The following ZDHHC11B variants were observed in gnomAD, a reference collection of about 807,000 sequenced individuals.
The protein encoded by ZDHHC11B is zDHHC palmitoyltransferase 11B (putative).
A neutral mutation model predicts 42.3 loss-of-function variants in ZDHHC11B; 17 were observed. That is an observed-to-expected ratio of 0.40 (90% CI 0.27 to 0.60). The LOEUF (loss-of-function observed/expected upper bound fraction) is 0.60, where lower values mean the gene tolerates loss of function less well. Among genes scored for constraint, ZDHHC11B ranks in the 20% least tolerant of loss-of-function variants. The pLI, the probability that ZDHHC11B is intolerant of heterozygous loss-of-function variation, is 0.41. For synonymous variants in ZDHHC11B, 123 were observed against 193.5 expected (o/e 0.64, Z 3.02); for missense variants, 262 against 463.2 (o/e 0.57, Z 3.99).
intron 12 of ZDHHC11B, among the ~76,000 whole-genome samples, chr5:729,914 T>C (rs1419645300): frequency 1.3e-5 from 2 of 150,590 alleles, no homozygotes; most frequent in Non-Finnish European, 3.0e-5. Flanking sequence ...CTGTACAATT[T>C]TATTTCATCA....
chr5:778,054 A>G (rs957622663), intron 1 of ZDHHC11B, among the ~76,000 whole-genome samples: 12 of 151,896 alleles, frequency 7.9e-5, no homozygotes, highest in Non-Finnish European at 1.5e-5. Context: ...CTCCGCAGCC[A>G]CCGTAGGACA....
intron 10 of ZDHHC11B, among the ~76,000 whole-genome samples, chr5:738,913 G>T (rs1052691978): frequency 6.6e-6 from 1 of 151,050 alleles, no homozygotes; most frequent in African/African-American, 2.4e-5. Flanking sequence ...AATGCAACAA[G>T]AACAAAGATA....
At position 780,548 on chromosome 5, in the gene ZDHHC11B, T is replaced by C. The variant is rs1361117367; in HGVS notation, c.-230+4120A>G. Among the ~76,000 whole-genome samples, 3 of 144,966 alleles carry C rather than the reference T, an allele frequency of 2.1e-5. No homozygotes were observed. The South Asian group carries it at 6.4e-4, about 31-fold the overall frequency. On this transcript the variant is annotated intron_variant, in intron 1 of 13. Transcript: ENST00000508859. ...AAAAACAGGCAAAGCCAAAGCACAGTGCTCAGGAATTGCAGCTTCGACGGG... is the reference window on the plus strand; with the variant it reads ...AAAAACAGGCAAAGCCAAAGCACAGCGCTCAGGAATTGCAGCTTCGACGGG...
chr5:784,174 C>T (rs977202897), intron 1 of ZDHHC11B, among the ~76,000 whole-genome samples: 3 of 151,356 alleles, frequency 2.0e-5, no homozygotes, highest in Non-Finnish European at 3.0e-5. Context: ...CATTCTGGGC[C>T]GTTTCTGTGG....
At chr5:765,253 T>G (rs1184449182) in intron 4 of ZDHHC11B, among the ~76,000 whole-genome samples, 2 of 151,514 alleles carry the variant, frequency 1.3e-5, no homozygotes, top group Non-Finnish European at 2.9e-5. Flanking sequence ...ACCCTATGTC[T>G]AGCTCGAGGT....
intron 1 of ZDHHC11B, among the ~76,000 whole-genome samples, chr5:778,017 C>G (rs1483681273): frequency 6.6e-6 from 1 of 151,930 alleles, no homozygotes; most frequent in East Asian, 1.9e-4. Flanking sequence ...CGCAGGCGGG[C>G]TGGCAGTGCT....
At chr5:774,289 G>A (rs60524846) in intron 1 of ZDHHC11B, among the ~76,000 whole-genome samples, 229 of 152,004 alleles carry the variant, frequency 1.5e-3, no homozygotes, top group African/African-American at 5.4e-3. Flanking sequence ...ACAGGGCTGG[G>A]GAAACAGCAG....
At chr5:757,213 C>T (rs1264458335) in intron 4 of ZDHHC11B, among the ~76,000 whole-genome samples, 2 of 151,960 alleles carry the variant, frequency 1.3e-5, no homozygotes, top group African/African-American at 4.8e-5. Context: ...CAGCCATCTC[C>T]ACAGGGCAGC....
chr5:780,751 G>A (rs1444781735), intron 1 of ZDHHC11B, among the ~76,000 whole-genome samples: 16 of 151,526 alleles, frequency 1.1e-4, no homozygotes, highest in African/African-American at 3.9e-4. Flanking sequence ...TGGGAGGTGA[G>A]GCTGAGATGA....
chr5:767,686 C>T, intron 2 of ZDHHC11B, among the ~76,000 whole-genome samples, 162 bp from the exon 3 acceptor site: 1 of 107,486 alleles, frequency 9.3e-6, no homozygotes, highest in African/African-American at 3.3e-5. Context: ...CCTGAGTTTT[C>T]CATGTGTAAC....
rs145437296 is a variant in ZDHHC11B at position 733,800 on chromosome 5, T to C, written c.975A>G (p.Pro325=). The C allele has an allele frequency of 4.5e-3, 7,156 of 1,604,056 alleles. 5 individuals carry two copies. The highest frequency in any genetic ancestry group is 0.011 in the Middle Eastern group (68 of 6,018). ...GGTTTACTGAAGTGCAGAAGTGACA[T>C]GGGCATTTGTAAATCAGCAGGGAGC... ...AKSSLLIYKC[P]CHFCTSVNQD... The change falls in exon 11 of 14, where the codon CCA becomes CCG. Residue 325 remains proline (P), a synonymous_variant. Coordinates refer to ENST00000508859, the MANE Select transcript of ZDHHC11B (RefSeq NM_001351303.2).
At chr5:759,825 G>C (rs1038901764) in intron 4 of ZDHHC11B, among the ~76,000 whole-genome samples, 1 of 151,998 alleles carries the variant, frequency 6.6e-6, no homozygotes, top group African/African-American at 2.4e-5. Context: ...GGCCTGGGAG[G>C]TCACTTCCCA....
intron 7 of ZDHHC11B, among the ~76,000 whole-genome samples, chr5:749,452 C>T (rs1426326470): frequency 5.4e-5 from 7 of 130,084 alleles, no homozygotes; most frequent in East Asian, 6.4e-4. Context: ...CTGGAACTGG[C>T]GGCCTTGGGG....
intron 1 of ZDHHC11B, among the ~76,000 whole-genome samples, chr5:773,611 C>T (rs1338378824): frequency 6.6e-6 from 1 of 151,876 alleles, no homozygotes; most frequent in Non-Finnish European, 1.5e-5. Context: ...TGCACCTGCA[C>T]CCTCTCCCAC....
At chr5:750,942 C>T (rs1213388242) in intron 7 of ZDHHC11B, among the ~76,000 whole-genome samples, 191 bp downstream of exon 7, 10 of 114,806 alleles carry the variant, frequency 8.7e-5, no homozygotes, top group South Asian at 3.9e-4. Context: ...GCCTGCCTCC[C>T]GCGCGCTGGG....
chr5:783,676 C>T (rs1367493147), intron 1 of ZDHHC11B, among the ~76,000 whole-genome samples: 1 of 144,380 alleles, frequency 6.9e-6, no homozygotes, highest in East Asian at 2.3e-4. Flanking sequence ...AACAGCAGCC[C>T]CCAAACCCCT....
At chr5:712,497 A>G (rs1741445280) in intron 13 of ZDHHC11B, among the ~76,000 whole-genome samples, 1 of 128,906 alleles carries the variant, frequency 7.8e-6, no homozygotes, top group East Asian at 2.2e-4. Context: ...TGCCCTCCCC[A>G]TCCTTCCAGA....
rs748110300 is a variant in ZDHHC11B at position 766,735 on chromosome 5, G to C, written c.185C>G (p.Pro62Arg). 6.2e-7 allele frequency: 1 copy of C among 1,611,834 alleles called. No homozygotes were observed. Among genetic ancestry groups the C allele is most frequent in the Non-Finnish European group, 8.5e-7 (1 of 1,178,830 alleles). Residue 62 changes from proline to arginine, a missense_variant, in exon 4 of 14, where the codon CCC (proline) becomes CGC (arginine). Pro to Arg is a moderately radical substitution (Grantham distance 103). Coordinates refer to ENST00000508859, the MANE Select transcript of ZDHHC11B (RefSeq NM_001351303.2). ...LSLATFRIFI[P>R]LLPHSWKYIA... is the part of the protein sequence containing the mutation. Reference sequence around the variant, plus strand: ...GTATTTCCACGAGTGAGGCAGGAGGGGAATGAAGATCCTGAAGGTGGCCAA... The same window carrying C: ...GTATTTCCACGAGTGAGGCAGGAGGCGAATGAAGATCCTGAAGGTGGCCAA...
chr5:714,001 C>T (rs1741559435), intron 13 of ZDHHC11B, among the ~76,000 whole-genome samples: 4 of 140,338 alleles, frequency 2.9e-5, no homozygotes. Context: ...CTAGATTTCT[C>T]TTTGGGTTCC....
Sources: gnomAD v4.1 joint callset for allele counts (sites outside exome capture counted in the v4.1 genomes callset) on GRCh38, gnomAD v4.1.1 for gene constraint, MANE v1.5 for transcripts, NCBI Gene and HGNC (gene_info 2026-07-23, HGNC 2026-07-21) for gene names.